Variants in ADAMTSL1 observed in about 807,000 individuals in gnomAD.
ADAMTSL1 encodes ADAMTS-like protein 1.
A neutral mutation model predicts 201.8 loss-of-function variants in ADAMTSL1; 126 were observed. That is an observed-to-expected ratio of 0.62 (90% CI 0.54 to 0.72). The LOEUF is 0.72. Among genes scored for constraint, ADAMTSL1 ranks in the 30% least tolerant of loss-of-function variants. ADAMTSL1 has a pLI of 0.00. For synonymous variants in ADAMTSL1, 1,121 were observed against 903.4 expected (o/e 1.24, Z -4.32); for missense variants, 2,679 against 2,277.8 (o/e 1.18, Z -3.59).
At chr9:18,639,521 T>C in intron 7 of ADAMTSL1, 110 bp downstream of exon 7, 1 of 1,301,344 alleles carries the variant, frequency 7.7e-7, no homozygotes, top group Non-Finnish European at 1.1e-6. Context: ...GGAAAGCCCG[T>C]TTGTTACCCA....
chr9:18,463,922 G>A (rs1820903318), intron 2 of ADAMTSL1, among the ~76,000 whole-genome samples: 1 of 152,094 alleles, frequency 6.6e-6, no homozygotes, highest in Non-Finnish European at 1.5e-5. Context: ...TTAATTTTTG[G>A]AGGAATCAAA....
At chr9:18,241,894 CAA>C (rs1020419975) in intron 2 of ADAMTSL1, among the ~76,000 whole-genome samples, 5 of 152,056 alleles carry the variant, frequency 3.3e-5, no homozygotes, top group African/African-American at 1.2e-4. Flanking sequence ...CTTACAGCAA[CAA>C]AAAACCTCAT....
chr9:18,703,054 C>T (rs1832014700), intron 13 of ADAMTSL1, among the ~76,000 whole-genome samples: 1 of 152,054 alleles, frequency 6.6e-6, no homozygotes, highest in Non-Finnish European at 1.5e-5. Context: ...GAGTGCCCGG[C>T]CGACAAGAAG....
chr9:18,600,953 G>C (rs1824610369), intron 4 of ADAMTSL1, among the ~76,000 whole-genome samples: 1 of 151,998 alleles, frequency 6.6e-6, no homozygotes, highest in Admixed American at 6.5e-5. Flanking sequence ...AAAGCCTACT[G>C]CTTTTCAAAT....
intron 2 of ADAMTSL1, among the ~76,000 whole-genome samples, chr9:18,204,446 G>T (rs1189730267): frequency 1.3e-5 from 2 of 151,986 alleles, no homozygotes; most frequent in Non-Finnish European, 2.9e-5. Flanking sequence ...GCTGAACTGT[G>T]AGTCTATTAA....
At chr9:18,068,053 A>G (rs1221131675) in intron 1 of ADAMTSL1, among the ~76,000 whole-genome samples, 2 of 152,152 alleles carry the variant, frequency 1.3e-5, no homozygotes, top group African/African-American at 4.8e-5. Flanking sequence ...TAGTAATAAT[A>G]ATAGCCATCT....
At chr9:18,178,026 A>G (rs975980850) in intron 2 of ADAMTSL1, among the ~76,000 whole-genome samples, 1 of 152,244 alleles carries the variant, frequency 6.6e-6, no homozygotes, top group African/African-American at 2.4e-5. Flanking sequence ...AGAGGAGCCC[A>G]GATGGCCGAA....
Position 18,206,573 on chromosome 9 carries a change from A to AGG in ADAMTSL1, c.207+42593_207+42594insGG, listed in dbSNP as rs1293362141. ...TCATCTTCACACTCCTGAAACACTG[A>AGG]GCAGACTTCTAGCCCTACATTAACC... On this transcript the variant is annotated intron_variant, in intron 2 of 29. Transcript: ENST00000680146. Among the ~76,000 whole-genome samples the AGG allele has an allele frequency of 1.2e-3, 188 of 152,218 alleles. 1 individual carries two copies. In the Middle Eastern group the frequency reaches 0.017, roughly 14 times the overall value.
chr9:18,430,577 T>C (rs552835488), intron 2 of ADAMTSL1, among the ~76,000 whole-genome samples: 11 of 152,308 alleles, frequency 7.2e-5, no homozygotes, highest in Non-Finnish European at 1.5e-4. Context: ...GGGTTTCATG[T>C]GACTTACTCC....
chr9:18,582,250 T>G (rs1823146641), intron 4 of ADAMTSL1, among the ~76,000 whole-genome samples: 1 of 152,186 alleles, frequency 6.6e-6, no homozygotes, highest in Non-Finnish European at 1.5e-5. Context: ...CTAGTACCTT[T>G]TTGTTTAACA....
intron 9 of ADAMTSL1, 40 bp from the exon 10 acceptor site, chr9:18,675,817 T>G (rs995879747): frequency 2.8e-5 from 44 of 1,573,744 alleles, no homozygotes; most frequent in Non-Finnish European, 3.8e-5. Context: ...TTATTGTGTG[T>G]ACCTTCTACT....
At chr9:18,385,040 G>A (rs1837734072) in intron 2 of ADAMTSL1, among the ~76,000 whole-genome samples, 1 of 152,072 alleles carries the variant, frequency 6.6e-6, no homozygotes, top group Non-Finnish European at 1.5e-5. Flanking sequence ...AACTCCCTGG[G>A]GATGCAGACA....
chr9:18,235,672 G>C (rs1377125307), intron 2 of ADAMTSL1, among the ~76,000 whole-genome samples: 4 of 152,270 alleles, frequency 2.6e-5, no homozygotes, highest in South Asian at 2.1e-4. Flanking sequence ...CATGTTAAGA[G>C]AGGTTCTATA....
intron 1 of ADAMTSL1, among the ~76,000 whole-genome samples, chr9:18,076,384 T>A (rs550663890): frequency 1.6e-4 from 25 of 152,308 alleles, no homozygotes; most frequent in Admixed American, 1.5e-3. Flanking sequence ...ATACAGTTCT[T>A]CCATTTAAGA....
At chr9:18,629,756 A>C (rs1239485877) in intron 5 of ADAMTSL1, among the ~76,000 whole-genome samples, 1 of 152,128 alleles carries the variant, frequency 6.6e-6, no homozygotes, top group Non-Finnish European at 1.5e-5. Context: ...TCAAACGATG[A>C]GTAGAGAAGT....
intron 2 of ADAMTSL1, among the ~76,000 whole-genome samples, chr9:18,240,060 A>T (rs1302068694): frequency 6.6e-6 from 1 of 152,152 alleles, no homozygotes; most frequent in African/African-American, 2.4e-5. Flanking sequence ...TGAATCATAA[A>T]TGTTCTCAAT....
At chr9:18,574,445 G>C (rs1330639948) in intron 4 of ADAMTSL1, 179 bp downstream of exon 4, 4 of 685,026 alleles carry the variant, frequency 5.8e-6, no homozygotes, top group Non-Finnish European at 1.0e-5. Flanking sequence ...GTTGTATTGT[G>C]CGAAGGAAAA....
intron 20 of ADAMTSL1, among the ~76,000 whole-genome samples, chr9:18,797,267 G>T (rs115997257): frequency 1.1e-4 from 17 of 152,190 alleles, no homozygotes; most frequent in Middle Eastern, 3.2e-3. Context: ...AGTCTATCAA[G>T]CAGTCCCTCT....
intron 7 of ADAMTSL1, among the ~76,000 whole-genome samples, chr9:18,644,308 C>T (rs984146837): frequency 9.2e-5 from 14 of 151,766 alleles, no homozygotes; most frequent in Non-Finnish European, 4.4e-5. Context: ...CAGTGCATTG[C>T]TTTTTGAAAA....
Sources: gnomAD v4.1 joint callset for allele counts (sites outside exome capture counted in the v4.1 genomes callset) on GRCh38, gnomAD v4.1.1 for gene constraint, MANE v1.5 for transcripts, NCBI Gene and HGNC (gene_info 2026-07-23, HGNC 2026-07-21) for gene names.